Variants in NSD1 observed in about 807,000 individuals in gnomAD.
NSD1 encodes the protein nuclear receptor binding SET domain protein 1.
NSD1 carries 26 observed loss-of-function variants against 242.7 expected under a neutral mutation model. That is an observed-to-expected ratio of 0.11 (90% CI 0.08 to 0.15). NSD1 has a LOEUF of 0.15. Ranked by LOEUF, NSD1 falls within the 10% of genes least tolerant of loss-of-function variation. NSD1 has a pLI of 1.00. For missense variants in NSD1, 2,495 were observed against 3,272.8 expected, an observed-to-expected ratio of 0.76 and a Z score of 5.80; for synonymous variants, 1,106 against 1,178.1, an observed-to-expected ratio of 0.94 and a Z score of 1.25.
chr5:177,220,462 C>A (rs1197769644), intron 5 of NSD1, among the ~76,000 whole-genome samples: 1 of 151,742 alleles, frequency 6.6e-6, no homozygotes, highest in Non-Finnish European at 1.5e-5. Context: ...CTTAGGTGAG[C>A]CTTTTATAGA....
chr5:177,265,277 TAAA>T (rs370641855), intron 14 of NSD1: 6 of 559,096 alleles, frequency 1.1e-5, no homozygotes, highest in Non-Finnish European at 1.6e-5. Flanking sequence ...TCTGGACTGT[TAAA>T]AAAAAAAAGC....
chr5:177,135,726 G>A lies in NSD1; in HGVS notation c.623G>A (p.Gly208Glu), dbSNP rs759414686. The A allele has an allele frequency of 1.9e-6, 3 of 1,614,078 alleles. No individual in the cohort carries two copies. The highest frequency in any genetic ancestry group is 2.5e-6 in the Non-Finnish European group (3 of 1,180,042). Residue 208 changes from glycine to glutamate, a missense_variant, in exon 2 of 23, where the codon GGA (glycine) becomes GAA (glutamate). Physicochemically the swap from Gly to Glu is moderately conservative, Grantham distance 98 (BLOSUM62 -2). This residue lies in a region of NSD1 where 376 missense variants were observed against 367.4 expected (regional missense o/e 1.02). Coordinates refer to ENST00000439151, the MANE Select transcript of NSD1 (RefSeq NM_022455.5). ...KSENGVKVAMGSEQDSTPESR... is the reference protein window; with the variant it reads ...KSENGVKVAMESEQDSTPESR... ...GAGAATGGTGTAAAAGTGGCCATGG[G>A]AAGTGAACAAGACAGCACACCAGAG...
intron 6 of NSD1, among the ~76,000 whole-genome samples, chr5:177,236,538 G>C (rs1765449095): frequency 6.6e-6 from 1 of 152,062 alleles, no homozygotes; most frequent in Non-Finnish European, 1.5e-5. Context: ...TGGTTGTTAT[G>C]GTTCTCAAAT....
Position 177,273,799 on chromosome 5 carries a change from T to C in NSD1, c.5622+15T>C, listed in dbSNP as rs778377837. 2.6e-6 allele frequency: 4 copies of C among 1,525,028 alleles called. No homozygotes were observed. The highest frequency in any genetic ancestry group is 2.3e-5 in the East Asian group (1 of 44,396). 94.5% of individuals were successfully genotyped at this position (1,525,028 alleles called of 1,614,324 possible). A position where few individuals can be genotyped will look rare whatever the true frequency, so the allele number is the denominator to read the frequency against. ...AACATATAAAGGTGAGGAGAAAATC[T>C]TGGGGGACCTTCTCTAGAAGAGAAA... On this transcript the variant is annotated intron_variant, in intron 17 of 22. Coordinates refer to ENST00000439151, the MANE Select transcript of NSD1 (RefSeq NM_022455.5).
intron 3 of NSD1, among the ~76,000 whole-genome samples, 197 bp from the exon 4 acceptor site, chr5:177,203,920 ACCT>A (rs1456618930): frequency 6.6e-6 from 1 of 151,842 alleles, no homozygotes; most frequent in Non-Finnish European, 1.5e-5. Flanking sequence ...TTCTTTCATA[ACCT>A]CCTGTGTATT....
At chr5:177,156,563 C>T (rs1436603289) in intron 2 of NSD1, among the ~76,000 whole-genome samples, 1 of 152,084 alleles carries the variant, frequency 6.6e-6, no homozygotes, top group Admixed American at 6.6e-5. Flanking sequence ...GGCCTCTAGT[C>T]CCAGGACTTT....
intron 4 of NSD1, among the ~76,000 whole-genome samples, chr5:177,206,938 T>G (rs772881434): frequency 5.0e-4 from 75 of 150,112 alleles, no homozygotes; most frequent in Non-Finnish European, 1.2e-4. Context: ...TTACCCTAAT[T>G]TTTTTTTTTT....
intron 16 of NSD1, among the ~76,000 whole-genome samples, chr5:177,272,609 G>A (rs1306163977): frequency 6.6e-6 from 1 of 152,168 alleles, no homozygotes; most frequent in Admixed American, 6.5e-5. Flanking sequence ...AAGTACAGGG[G>A]CCGGGCACAG....
At chr5:177,183,013 G>A (rs1760824931) in intron 2 of NSD1, among the ~76,000 whole-genome samples, 2 of 152,122 alleles carry the variant, frequency 1.3e-5, no homozygotes, top group South Asian at 4.1e-4. Context: ...CTAGGCCCGA[G>A]CAGTCTTCCT....
chr5:177,210,479 A>C lies in NSD1; in HGVS notation c.2080A>C (p.Thr694Pro), dbSNP rs1366792496. Reference protein sequence around the residue: ...IKYSRFAATNTRVKAKQKPLI... With the variant: ...IKYSRFAATNPRVKAKQKPLI... ...GTATTCTAGGTTTGCTGCCACAAAC[A>C]CTAGGGTAAAAGCAAAACAGAAGCC... The change falls in exon 5 of 23, where the codon ACT becomes CCT. Residue 694 changes from threonine to proline, a missense_variant. Thr to Pro is a conservative substitution (Grantham distance 38). Around this residue, in one of 19 missense-constraint regions of NSD1, gnomAD observed 515 missense variants for 467.0 expected, o/e 1.10. Coordinates refer to ENST00000439151, the MANE Select transcript of NSD1 (RefSeq NM_022455.5). The C allele has an allele frequency of 1.9e-6, 3 of 1,614,080 alleles. No homozygotes were observed. Among genetic ancestry groups the C allele is most frequent in the African/African-American group, 1.3e-5 (1 of 74,936 alleles).
At chr5:177,231,257 TA>T (rs1251708502) in intron 5 of NSD1, among the ~76,000 whole-genome samples, 1 of 152,100 alleles carries the variant, frequency 6.6e-6, no homozygotes, top group Non-Finnish European at 1.5e-5. Context: ...GGCTAATTTT[TA>T]ACTTTTTGTA....
rs763118605 is a variant in NSD1, at chr5:177,151,688, CT to C, written c.927+15672del. ...ACAGGCATGAGCCACCGTGCGTGTC[CT>C]TTTTTTTTTTTTTATCTTTTGAGAC... On this transcript the variant is annotated intron_variant, in intron 2 of 22. Transcript: ENST00000439151. 5.9e-3 allele frequency among the ~76,000 whole-genome samples: 834 copies of C among 141,414 alleles called. 2 individuals are homozygous for C. Among genetic ancestry groups the C allele is most frequent in the Middle Eastern group, 0.011 (3 of 268 alleles). The allele number at this position is 141,414 out of a possible 152,430, so 92.8% of individuals were successfully genotyped here. A position where few individuals can be genotyped will look rare whatever the true frequency, so the allele number is the denominator to read the frequency against.
chr5:177,179,623 A>G (rs1760492998), intron 2 of NSD1, among the ~76,000 whole-genome samples: 1 of 152,266 alleles, frequency 6.6e-6, no homozygotes, highest in Non-Finnish European at 1.5e-5. Context: ...TGGAGCAGCC[A>G]GCTTTCTTAT....
chr5:177,179,420 G>T (rs1021232531), intron 2 of NSD1, among the ~76,000 whole-genome samples: 6 of 152,178 alleles, frequency 3.9e-5, no homozygotes, highest in Admixed American at 3.3e-4. Flanking sequence ...TCTCCATGTT[G>T]GTCAGACTGG....
chr5:177,284,703 A>G (rs1394366035), intron 20 of NSD1, among the ~76,000 whole-genome samples: 2 of 152,246 alleles, frequency 1.3e-5, no homozygotes, highest in Admixed American at 6.5e-5. Flanking sequence ...CTAGCTCTTC[A>G]GTCTCCTTTC....
At chr5:177,289,758 A>G (rs1391674915) in intron 21 of NSD1, among the ~76,000 whole-genome samples, 1 of 151,856 alleles carries the variant, frequency 6.6e-6, no homozygotes, top group Non-Finnish European at 1.5e-5. Context: ...TGAATAATTG[A>G]ATTCTAATTC....
chr5:177,188,639 G>T (rs75470420), intron 2 of NSD1, among the ~76,000 whole-genome samples: 3,849 of 152,132 alleles, frequency 0.025, 49 homozygotes, highest in African/African-American at 0.028. Context: ...TTATCTTTAA[G>T]ATATGACATC....
At chr5:177,142,888 C>G (rs1756941008) in intron 2 of NSD1, among the ~76,000 whole-genome samples, 1 of 152,148 alleles carries the variant, frequency 6.6e-6, no homozygotes, top group Non-Finnish European at 1.5e-5. Flanking sequence ...CCTGTCCTGA[C>G]CTTTCCAAAT....
chr5:177,284,449 T>G (rs1759138610), intron 20 of NSD1, among the ~76,000 whole-genome samples: 1 of 151,900 alleles, frequency 6.6e-6, no homozygotes, highest in African/African-American at 2.4e-5. Context: ...AGGTTTTTTG[T>G]TTTTTGTTTT....
Sources: gnomAD v4.1 joint callset for allele counts (sites outside exome capture counted in the v4.1 genomes callset) on GRCh38, gnomAD v4.1.1 for gene constraint, gnomAD v4.1.1 regional missense constraint, MANE v1.5 for transcripts, NCBI Gene and HGNC (gene_info 2026-07-23, HGNC 2026-07-21) for gene names.